The following SLC24A2 variants were observed in gnomAD, a reference collection of about 807,000 sequenced individuals.
SLC24A2 encodes solute carrier family 24 member 2, also known as sodium/potassium/calcium exchanger 2.
SLC24A2 carries 36 observed loss-of-function variants against 62.0 expected under a neutral mutation model. That is an observed-to-expected ratio of 0.58 (90% CI 0.44 to 0.77). SLC24A2 has a LOEUF of 0.77. Ranked by LOEUF, SLC24A2 falls within the 30% of genes least tolerant of loss-of-function variation. The probability of loss-of-function intolerance (pLI) is 0.00; values close to 1 mark genes in which losing one functional copy is unlikely to be tolerated. For missense variants in SLC24A2, 846 were observed against 817.9 expected (o/e 1.03, Z -0.42); for synonymous variants, 358 against 294.0 (o/e 1.22, Z -2.23).
At position 19,520,973 on chromosome 9, in the gene SLC24A2, C is replaced by T. The variant is rs1349617165; in HGVS notation, c.1657G>A (p.Val553Ile). ...GTSIPDLITS[V>I]IVARKGLGDM... ...CCTAACCCCTTCCGGGCCACTATGA[C>T]ACTGGTGATAAGATCAGGGATGGAG... Residue 553 changes from valine to isoleucine, a missense_variant, in exon 10 of 11, where the codon GTC becomes ATC. Transcript: ENST00000341998. The T allele has an allele frequency of 3.7e-6, 6 of 1,614,072 alleles. No homozygotes were observed. In the Admixed American group the frequency reaches 6.7e-5, roughly 18 times the overall value.
chr9:20,207,820 G>A, the SLC24A2 span, among the ~76,000 whole-genome samples: 1 of 150,656 alleles, frequency 6.6e-6, no homozygotes. Context: ...TGAGCTTATG[G>A]TCCAGTGGGG....
the SLC24A2 span, among the ~76,000 whole-genome samples, chr9:20,293,818 A>G: frequency 1.3e-5 from 2 of 152,080 alleles, no homozygotes; most frequent in Non-Finnish European, 2.9e-5. Context: ...GAAGACATTT[A>G]TTTAGTACAA....
chr9:20,122,227 T>C, the SLC24A2 span, among the ~76,000 whole-genome samples: 1 of 152,222 alleles, frequency 6.6e-6, no homozygotes, highest in South Asian at 2.1e-4. Context: ...CCTGTGCAAA[T>C]GCACTGATTA....
the SLC24A2 span, among the ~76,000 whole-genome samples, chr9:20,167,040 C>T: frequency 6.6e-6 from 1 of 151,894 alleles, no homozygotes; most frequent in African/African-American, 2.4e-5. Context: ...GTTTTGAACT[C>T]CTAGGCCCAA....
At chr9:19,520,077 A>T (rs1008812625) in intron 10 of SLC24A2, among the ~76,000 whole-genome samples, 1 of 152,214 alleles carries the variant, frequency 6.6e-6, no homozygotes, top group Non-Finnish European at 1.5e-5. Flanking sequence ...ATGAAAAACA[A>T]TATGGTCATG....
At chr9:19,550,782 A>G in intron 7 of SLC24A2, among the ~76,000 whole-genome samples, 1 of 151,768 alleles carries the variant, frequency 6.6e-6, no homozygotes, top group East Asian at 1.9e-4. Flanking sequence ...AATACTACTA[A>G]GAGAGATTAA....
intron 2 of SLC24A2, among the ~76,000 whole-genome samples, chr9:19,674,039 T>C (rs886421536): frequency 5.3e-5 from 8 of 152,230 alleles, no homozygotes; most frequent in African/African-American, 1.4e-4. Context: ...ATTTAGAGCT[T>C]CTTTTAGCAG....
chr9:19,781,695 C>G (rs1016690067), intron 2 of SLC24A2, among the ~76,000 whole-genome samples: 1 of 152,128 alleles, frequency 6.6e-6, no homozygotes, highest in African/African-American at 2.4e-5. Context: ...AAGTTTTTTT[C>G]TTTTAAGAAA....
intron 2 of SLC24A2, among the ~76,000 whole-genome samples, chr9:19,672,394 T>G (rs1447439226): frequency 1.4e-5 from 2 of 146,698 alleles, no homozygotes; most frequent in Admixed American, 6.7e-5. Flanking sequence ...TAATAGCTCC[T>G]GTTTTGTTTC....
chr9:20,044,259 G>A, the SLC24A2 span, among the ~76,000 whole-genome samples: 2 of 152,130 alleles, frequency 1.3e-5, no homozygotes, highest in Admixed American at 6.6e-5. Context: ...AAAAATGTTG[G>A]TGACTTGCTT....
chr9:19,648,110 A>G (rs1818694807), intron 2 of SLC24A2, among the ~76,000 whole-genome samples: 1 of 152,218 alleles, frequency 6.6e-6, no homozygotes, highest in African/African-American at 2.4e-5. Context: ...AAACTATAGT[A>G]GGCAGTGGGC....
At chr9:19,763,861 TG>T (rs1404249542) in intron 2 of SLC24A2, among the ~76,000 whole-genome samples, 4 of 152,212 alleles carry the variant, frequency 2.6e-5, no homozygotes, top group Admixed American at 2.6e-4. Flanking sequence ...CTTTTTCTAT[TG>T]TTTGGAATAG....
the SLC24A2 span, among the ~76,000 whole-genome samples, chr9:20,220,920 A>C: frequency 6.6e-6 from 1 of 152,128 alleles, no homozygotes; most frequent in Non-Finnish European, 1.5e-5. Context: ...AGCAAAATTT[A>C]TTCTTCTTTC....
At chr9:19,808,564 C>T in the SLC24A2 span, among the ~76,000 whole-genome samples, 1 of 152,116 alleles carries the variant, frequency 6.6e-6, no homozygotes, top group South Asian at 2.1e-4. The surrounding 1 kb of genome is among the most constrained non-coding windows in gnomAD (Gnocchi z 4.1). Context: ...TTTGCAAGAT[C>T]CGATGGATGT....
chr9:20,034,385 G>A, the SLC24A2 span, among the ~76,000 whole-genome samples: 2 of 148,862 alleles, frequency 1.3e-5, 1 homozygote, highest in African/African-American at 4.9e-5. Flanking sequence ...CCTTCTTTCA[G>A]ATGTTTTACA....
chr9:19,615,471 G>C (rs1015046716), intron 4 of SLC24A2, among the ~76,000 whole-genome samples: 2 of 152,192 alleles, frequency 1.3e-5, no homozygotes, highest in African/African-American at 2.4e-5. Context: ...GACTATTTCT[G>C]AGAGCTGTGG....
chr9:19,618,481 C>T (rs1420438009), intron 4 of SLC24A2, among the ~76,000 whole-genome samples: 1 of 152,138 alleles, frequency 6.6e-6, no homozygotes, highest in Admixed American at 6.6e-5. Context: ...GATTGAAACG[C>T]CCCATGCTCT....
At chr9:20,293,906 C>T in the SLC24A2 span, among the ~76,000 whole-genome samples, 11 of 152,136 alleles carry the variant, frequency 7.2e-5, no homozygotes, top group Admixed American at 6.5e-4. Flanking sequence ...CAACCAAGTC[C>T]TCAGGCTCCA....
At chr9:20,067,870 G>A in the SLC24A2 span, among the ~76,000 whole-genome samples, 1 of 152,054 alleles carries the variant, frequency 6.6e-6, no homozygotes, top group African/African-American at 2.4e-5. Flanking sequence ...TCTGTTTGGT[G>A]TAACTATCTA....
Sources: allele counts gnomAD v4.1 joint callset (sites outside exome capture counted in the v4.1 genomes callset), GRCh38; gene constraint gnomAD v4.1.1; non-coding constraint Gnocchi (gnomAD v3.1); transcripts MANE v1.5; gene names NCBI Gene and HGNC (gene_info 2026-07-23, HGNC 2026-07-21).